The following SLC2A13 variants were observed in gnomAD, a reference collection of about 807,000 sequenced individuals.
SLC2A13 encodes proton myo-inositol cotransporter.
In SLC2A13, 32 loss-of-function variants were observed where a neutral mutation model predicts 64.4. The observed-to-expected ratio is 0.50, with a 90% confidence interval of 0.37 to 0.67. The LOEUF (loss-of-function observed/expected upper bound fraction) is 0.67. Ranked by LOEUF, SLC2A13 falls within the 30% of genes least tolerant of loss-of-function variation. The pLI, the probability that SLC2A13 is intolerant of heterozygous loss-of-function variation, is 0.00. For synonymous variants in SLC2A13, 338 were observed against 327.1 expected (o/e 1.03, Z -0.36); for missense variants, 743 against 829.2 (o/e 0.90, Z 1.28).
chr12:40,076,070 T>C (rs139871441), intron 1 of SLC2A13, among the ~76,000 whole-genome samples: 2 of 152,326 alleles, frequency 1.3e-5, no homozygotes, highest in Non-Finnish European at 2.9e-5. Context: ...ACCTGTTATC[T>C]TTTCCCTTAG....
chr12:39,919,133 C>T (rs1218597463), intron 4 of SLC2A13, among the ~76,000 whole-genome samples: 1 of 151,902 alleles, frequency 6.6e-6, no homozygotes, highest in Non-Finnish European at 1.5e-5. Context: ...CGCTTGTGTG[C>T]CACCACACCT....
chr12:40,091,416 GA>G (rs1053074561), intron 1 of SLC2A13, among the ~76,000 whole-genome samples: 5 of 152,138 alleles, frequency 3.3e-5, no homozygotes, highest in African/African-American at 1.2e-4. Context: ...GGATAAGGAG[GA>G]AATCTAAAAT....
chr12:39,948,696 A>G (rs1946180142), intron 4 of SLC2A13, among the ~76,000 whole-genome samples: 1 of 152,168 alleles, frequency 6.6e-6, no homozygotes, highest in Non-Finnish European at 1.5e-5. Context: ...CAACTTCTAC[A>G]CATTATTAGG....
rs78278680 is a variant in SLC2A13 at position 40,010,995 on chromosome 12, G to A, written c.925+17306C>T. The stretch of plus-strand genomic sequence containing the variant: ...GAAGAGCATCTGTGTAGTGTATCTC[G>A]TGCAAATGTTAAGTTACACTTCCTA... On this transcript the variant is annotated intron_variant, in intron 3 of 9. Coordinates refer to ENST00000280871, the MANE Select transcript of SLC2A13 (RefSeq NM_052885.4). 3.9e-3 allele frequency among the ~76,000 whole-genome samples: 595 copies of A among 152,228 alleles called. 2 individuals carry two copies. The highest frequency in any genetic ancestry group is 0.013 in the African/African-American group (555 of 41,514).
intron 5 of SLC2A13, 78 bp from the exon 6 acceptor site, chr12:39,864,960 C>T (rs1943868370): frequency 2.3e-6 from 3 of 1,327,042 alleles, no homozygotes; most frequent in East Asian, 2.6e-5. Context: ...TAAAAACAAA[C>T]CAAAAAACAA....
chr12:40,071,757 TC>T (rs1937968769), intron 1 of SLC2A13, among the ~76,000 whole-genome samples: 2 of 152,156 alleles, frequency 1.3e-5, no homozygotes, highest in Non-Finnish European at 2.9e-5. Flanking sequence ...ATTTTTAATG[TC>T]CATGGAATCT....
At chr12:40,080,036 A>G (rs1938335371) in intron 1 of SLC2A13, among the ~76,000 whole-genome samples, 1 of 152,028 alleles carries the variant, frequency 6.6e-6, no homozygotes, top group Non-Finnish European at 1.5e-5. Flanking sequence ...AATTTTTTGC[A>G]TTCTTAGTAG....
chr12:39,952,980 T>C (rs1946256186), intron 3 of SLC2A13, among the ~76,000 whole-genome samples: 1 of 108,512 alleles, frequency 9.2e-6, no homozygotes, highest in South Asian at 3.6e-4. Context: ...ATTTACCTTG[T>C]ATATCATGAT....
At chr12:39,849,421 G>T (rs1231330068) in intron 6 of SLC2A13, among the ~76,000 whole-genome samples, 1 of 152,070 alleles carries the variant, frequency 6.6e-6, no homozygotes, top group East Asian at 1.9e-4. Context: ...GCTGACCCCT[G>T]CCTCTTATTT....
In SLC2A13 at chr12:39,984,412, C is replaced by T. The variant is rs972001748; in HGVS notation, c.926-33047G>A. The stretch of plus-strand genomic sequence containing the variant: ...TAAACAAAGAATTTAATAAAAGAGA[C>T]GGAAATAAAAATAACTTTAAAAAGT... On this transcript the variant is annotated intron_variant, in intron 3 of 9. Transcript: ENST00000280871. Among the ~76,000 whole-genome samples the T allele has an allele frequency of 7.2e-5, 11 of 151,742 alleles. No individual in the cohort carries two copies. In the East Asian group the frequency reaches 1.6e-3, roughly 21 times the overall value.
At chr12:39,807,116 T>C (rs1365044350) in intron 7 of SLC2A13, among the ~76,000 whole-genome samples, 1 of 148,700 alleles carries the variant, frequency 6.7e-6, no homozygotes, top group Non-Finnish European at 1.5e-5. Context: ...GGAAAAGTAA[T>C]TACAGTTTTC....
intron 7 of SLC2A13, among the ~76,000 whole-genome samples, chr12:39,799,563 A>G (rs1016188754): frequency 2.6e-5 from 4 of 152,174 alleles, no homozygotes; most frequent in Non-Finnish European, 5.9e-5. Context: ...AAACAAGAAG[A>G]TAGCCCAAAA....
chr12:40,046,110 A>C (rs577273742), intron 2 of SLC2A13, among the ~76,000 whole-genome samples: 4 of 152,224 alleles, frequency 2.6e-5, no homozygotes, highest in Non-Finnish European at 5.9e-5. Flanking sequence ...CTTTACATAT[A>C]ATAAGTAATT....
At chr12:39,896,471 T>C (rs963248807) in intron 4 of SLC2A13, among the ~76,000 whole-genome samples, 3 of 134,548 alleles carry the variant, frequency 2.2e-5, no homozygotes, top group South Asian at 4.4e-4. Context: ...TGTATACATA[T>C]ATGTATATGT....
At chr12:39,985,562 A>G (rs1205169982) in intron 3 of SLC2A13, among the ~76,000 whole-genome samples, 1 of 152,148 alleles carries the variant, frequency 6.6e-6, no homozygotes, top group Non-Finnish European at 1.5e-5. Context: ...AATTCAGTGC[A>G]TAGGAATTCA....
At chr12:39,995,279 G>A (rs1053317977) in intron 3 of SLC2A13, among the ~76,000 whole-genome samples, 2 of 152,280 alleles carry the variant, frequency 1.3e-5, no homozygotes, top group African/African-American at 4.8e-5. Flanking sequence ...TCATTTGTTT[G>A]TGTTGGGTAC....
At chr12:39,913,762 T>TA (rs1945473308) in intron 4 of SLC2A13, among the ~76,000 whole-genome samples, 1 of 151,904 alleles carries the variant, frequency 6.6e-6, no homozygotes, top group African/African-American at 2.4e-5. Context: ...GGGAGAAACA[T>TA]ATAATCTTTC....
chr12:39,945,099 T>A, intron 4 of SLC2A13, among the ~76,000 whole-genome samples: 1 of 152,212 alleles, frequency 6.6e-6, no homozygotes, highest in Middle Eastern at 3.2e-3. Context: ...AAAATGACTG[T>A]ATCCTTCCTT....
At chr12:39,827,943 C>T (rs1942739777) in intron 7 of SLC2A13, among the ~76,000 whole-genome samples, 1 of 152,062 alleles carries the variant, frequency 6.6e-6, no homozygotes, top group Middle Eastern at 3.2e-3. Context: ...CCTCAACACT[C>T]GACCTTGAAA....
Sources: gnomAD v4.1 joint callset for allele counts (sites outside exome capture counted in the v4.1 genomes callset) on GRCh38, gnomAD v4.1.1 for gene constraint, MANE v1.5 for transcripts, NCBI Gene and HGNC (gene_info 2026-07-23, HGNC 2026-07-21) for gene names.